The following PLAGL1 variants were observed in gnomAD, a reference collection of about 807,000 sequenced individuals.
The protein encoded by PLAGL1 is zinc finger protein PLAGL1.
In PLAGL1, 1 loss-of-function variant was observed where a neutral mutation model predicts 4.6. That is an observed-to-expected ratio of 0.22 (90% CI 0.08 to 1.03). The LOEUF (loss-of-function observed/expected upper bound fraction) is 1.03. Ranked by LOEUF, PLAGL1 falls within the 50% of genes least tolerant of loss-of-function variation. The probability of loss-of-function intolerance (pLI) is 0.58; values close to 1 mark genes in which losing one functional copy is unlikely to be tolerated. For missense variants in PLAGL1, 464 were observed against 570.4 expected, an observed-to-expected ratio of 0.81 and a Z score of 1.90; for synonymous variants, 240 against 237.8, an observed-to-expected ratio of 1.01 and a Z score of -0.08.
At position 144,063,464 on chromosome 6, in the gene PLAGL1, T is replaced by A. The variant is rs539922892; in HGVS notation, c.-151+1004A>T. ...GGACATCTGGGGTGGGCCCAATAGG[T>A]GTGTTCTGAAAAGCTCTCCTGGTGC... On this transcript the variant is annotated intron_variant, in intron 1 of 3. Coordinates refer to the PLAGL1 transcript ENST00000437412. The surrounding 1 kb of genome is among the most constrained non-coding windows in gnomAD (Gnocchi z 5.7). Among the ~76,000 whole-genome samples the A allele has an allele frequency of 6.6e-6, 1 of 152,182 alleles. No homozygotes were observed. The highest frequency in any genetic ancestry group is 1.9e-4 in the East Asian group (1 of 5,178).
rs1429149100 is a variant in PLAGL1 at position 143,995,150 on chromosome 6, C to G, written c.-583-9976G>C. On this transcript the variant is annotated intron_variant, in intron 1 of 7. Coordinates refer to ENST00000674357, the MANE Select transcript of PLAGL1 (RefSeq NM_001317162.2). The surrounding 1 kb of genome is among the most constrained non-coding windows in gnomAD (Gnocchi z 4.4). ...TTTGTACAAAGGAGATAAAACTATTCTCAGGTTGTTGGAACAATTAAATAA... is the reference window on the plus strand; with the variant it reads ...TTTGTACAAAGGAGATAAAACTATTGTCAGGTTGTTGGAACAATTAAATAA... Among the ~76,000 whole-genome samples the G allele has an allele frequency of 8.6e-6, 1 of 115,890 alleles. No individual in the cohort carries two copies. The highest frequency in any genetic ancestry group is 1.9e-5 in the Non-Finnish European group (1 of 52,302). The allele number at this position is 115,890 out of a possible 152,430, so 76.0% of individuals were successfully genotyped here.
intron 1 of PLAGL1, among the ~76,000 whole-genome samples, chr6:144,025,436 G>A (rs1334332356): frequency 1.3e-5 from 2 of 152,152 alleles, no homozygotes; most frequent in Non-Finnish European, 2.9e-5. Context: ...ATAATAATAT[G>A]TATCACTATT....
In PLAGL1 at chr6:144,050,565, T is replaced by C. The variant is rs1798508018; in HGVS notation, c.-151+13903A>G. On this transcript the variant is annotated intron_variant, in intron 1 of 3. Transcript: ENST00000437412. This position sits in a 1 kb window ranked among gnomAD's most constrained non-coding sequence, Gnocchi z 4.3. ...TTCTAGGGAATAAATATCTTATTCCTGCCTTGCAAAGAATAAGCACATGAT... is the reference window on the plus strand; with the variant it reads ...TTCTAGGGAATAAATATCTTATTCCCGCCTTGCAAAGAATAAGCACATGAT... Among the ~76,000 whole-genome samples the C allele has an allele frequency of 6.6e-6, 1 of 152,234 alleles. No individual in the cohort carries two copies. The highest frequency in any genetic ancestry group is 2.1e-4 in the South Asian group (1 of 4,832).
In PLAGL1 at chr6:143,973,335, ACCACCTCATGGTTT is replaced by A. The variant is rs1480341149; in HGVS notation, c.-543-4371_-543-4358del. ...TTGAGACAAGGAGAGGGCTCAGCAG[ACCACCTCATGGTTT>A]AATTCAAATTCATCCGTTTCCTACA... On this transcript the variant is annotated intron_variant, in intron 2 of 7. Transcript: ENST00000674357. The surrounding 1 kb of genome is among the most constrained non-coding windows in gnomAD (Gnocchi z 6.2). 6.6e-6 allele frequency among the ~76,000 whole-genome samples: 1 copy of A among 152,204 alleles called. No homozygotes were observed. Among genetic ancestry groups the A allele is most frequent in the African/African-American group, 2.4e-5 (1 of 41,450 alleles).
In PLAGL1 at chr6:143,982,860, T is replaced by C. The variant is rs1788260867; in HGVS notation, c.-544+2275A>G. 6.6e-6 allele frequency among the ~76,000 whole-genome samples: 1 copy of C among 152,132 alleles called. No individual in the cohort carries two copies. The highest frequency in any genetic ancestry group is 1.5e-5 in the Non-Finnish European group (1 of 68,030). ...TGGGAACAGAGAAGAACTCAGGAGC[T>C]CAGGTGCAGACATGTTAGGTTTGAT... On this transcript the variant is annotated intron_variant, in intron 2 of 7. Transcript: ENST00000674357. The surrounding 1 kb of genome is among the most constrained non-coding windows in gnomAD (Gnocchi z 5.3).
intron 1 of PLAGL1, among the ~76,000 whole-genome samples, chr6:143,998,657 G>T (rs1302126336): frequency 1.3e-5 from 2 of 152,142 alleles, no homozygotes; most frequent in East Asian, 3.8e-4. Context: ...GTGACGAAAG[G>T]TAAGAATTTA....
Position 143,970,871 on chromosome 6 carries a change from C to T in PLAGL1, c.-543-1893G>A, listed in dbSNP as rs767096927. The stretch of plus-strand genomic sequence containing the variant: ...ATAGCAAGACCACAATTTTTAACTG[C>T]AGTTACTTCCCTGGCCTGTCTGTAG... On this transcript the variant is annotated intron_variant, in intron 2 of 7. Transcript: ENST00000674357. This position sits in a 1 kb window ranked among gnomAD's most constrained non-coding sequence, Gnocchi z 5.8. Among the ~76,000 whole-genome samples the T allele has an allele frequency of 5.3e-5, 8 of 152,144 alleles. No individual in the cohort carries two copies. Among genetic ancestry groups the T allele is most frequent in the Non-Finnish European group, 7.4e-5 (5 of 68,018 alleles).
At chr6:143,976,991 C>T (rs1242863081) in intron 2 of PLAGL1, among the ~76,000 whole-genome samples, 1 of 151,868 alleles carries the variant, frequency 6.6e-6, no homozygotes, top group Non-Finnish European at 1.5e-5. Context: ...TTCTAATTTC[C>T]TGTTCGATTT....
In PLAGL1 at chr6:143,985,529, C is replaced by T. The variant is rs1788816516; in HGVS notation, c.-583-355G>A. 6.6e-6 allele frequency among the ~76,000 whole-genome samples: 1 copy of T among 152,176 alleles called. No homozygotes were observed. Among genetic ancestry groups the T allele is most frequent in the East Asian group, 1.9e-4 (1 of 5,202 alleles). On this transcript the variant is annotated intron_variant, in intron 1 of 7. Coordinates refer to ENST00000674357, the MANE Select transcript of PLAGL1 (RefSeq NM_001317162.2). The surrounding 1 kb of genome is among the most constrained non-coding windows in gnomAD (Gnocchi z 4.4). ...CACACCACCTCCTTTGCCAAAATCT[C>T]TTTCTGCCCCTGACCCATTGCACAT...
rs1554278265 is a variant in PLAGL1 at position 144,030,281 on chromosome 6, A to AAG, written c.-151+34186_-151+34187insCT. ...AAAAAAAAAAAAAAAAAAAAAAAAA[A>AAG]AAGAAGATGTAAATTTTAATACAAT... On this transcript the variant is annotated intron_variant, in intron 1 of 3. Transcript: ENST00000437412. 5.4e-4 allele frequency among the ~76,000 whole-genome samples: 72 copies of AAG among 132,948 alleles called. 5 individuals carry two copies. Among genetic ancestry groups the AAG allele is most frequent in the African/African-American group, 1.6e-3 (50 of 31,644 alleles). 87.2% of individuals were successfully genotyped at this position (132,948 alleles called of 152,430 possible).
rs1787429981 is a variant in PLAGL1 at position 143,979,516 on chromosome 6, T to A, written c.-544+5619A>T. ...TGTTTTGATATCTTCGTGGTTGCTG[T>A]AGAGTTTATAGTTATATCTTTAACT... On this transcript the variant is annotated intron_variant, in intron 2 of 7. Transcript: ENST00000674357. The surrounding 1 kb of genome is among the most constrained non-coding windows in gnomAD (Gnocchi z 4.6). 6.6e-6 allele frequency among the ~76,000 whole-genome samples: 1 copy of A among 152,130 alleles called. No individual in the cohort carries two copies. Among genetic ancestry groups the A allele is most frequent in the South Asian group, 2.1e-4 (1 of 4,824 alleles).
Position 143,979,551 on chromosome 6 carries a change from G to A in PLAGL1, c.-544+5584C>T, listed in dbSNP as rs919532708. On this transcript the variant is annotated intron_variant, in intron 2 of 7. Coordinates refer to ENST00000674357, the MANE Select transcript of PLAGL1 (RefSeq NM_001317162.2). This position sits in a 1 kb window ranked among gnomAD's most constrained non-coding sequence, Gnocchi z 4.6. The stretch of plus-strand genomic sequence containing the variant: ...AGTTATATCTTTAACTTACCATGGT[G>A]TACTTCCAAGGGATATACCAGTTCA... Among the ~76,000 whole-genome samples, 2 of 151,904 alleles carry A rather than the reference G, an allele frequency of 1.3e-5. No individual in the cohort carries two copies. The highest frequency in any genetic ancestry group is 4.8e-5 in the African/African-American group (2 of 41,370).
At position 144,030,281 on chromosome 6, in the gene PLAGL1, A is replaced by AAAAAAAAAAAG. The variant is rs1296064916; in HGVS notation, c.-151+34186_-151+34187insCTTTTTTTTTT. On this transcript the variant is annotated intron_variant, in intron 1 of 3. Transcript: ENST00000437412. ...AAAAAAAAAAAAAAAAAAAAAAAAA[A>AAAAAAAAAAAG]AAGAAGATGTAAATTTTAATACAAT... 9.8e-4 allele frequency among the ~76,000 whole-genome samples: 130 copies of AAAAAAAAAAAG among 132,952 alleles called. 12 individuals are homozygous for AAAAAAAAAAAG. The highest frequency in any genetic ancestry group is 9.3e-3 in the East Asian group (39 of 4,208). The allele number at this position is 132,952 out of a possible 152,430, so 87.2% of individuals were successfully genotyped here.
upstream of PLAGL1, among the ~76,000 whole-genome samples, chr6:144,009,921 A>G (rs756184007): frequency 9.9e-5 from 15 of 152,146 alleles, no homozygotes; most frequent in Non-Finnish European, 2.1e-4. Context: ...TCTATCACCA[A>G]TGGCCATTTG....
At position 143,984,839 on chromosome 6, in the gene PLAGL1, A is replaced by G. The variant is rs1788677639; in HGVS notation, c.-544+296T>C. Reference sequence around the variant, plus strand: ...AATGCCCAACAGGACGTCTGCATCTATATACAACCTCAGCTCTGCCCTTTG... The same window carrying G: ...AATGCCCAACAGGACGTCTGCATCTGTATACAACCTCAGCTCTGCCCTTTG... On this transcript the variant is annotated intron_variant, in intron 2 of 7. Coordinates refer to ENST00000674357, the MANE Select transcript of PLAGL1 (RefSeq NM_001317162.2). This position sits in a 1 kb window ranked among gnomAD's most constrained non-coding sequence, Gnocchi z 5.5. Among the ~76,000 whole-genome samples the G allele has an allele frequency of 6.6e-6, 1 of 152,204 alleles. No homozygotes were observed. The highest frequency in any genetic ancestry group is 2.1e-4 in the South Asian group (1 of 4,834).
At chr6:144,014,188 T>C (rs1297688834) in intron 1 of PLAGL1, among the ~76,000 whole-genome samples, 1 of 152,122 alleles carries the variant, frequency 6.6e-6, no homozygotes, top group African/African-American at 2.4e-5. Context: ...CCCAGCAATT[T>C]GGGAGGCCGA....
In PLAGL1 at chr6:143,994,846, C is replaced by T. The variant is rs1232743004; in HGVS notation, c.-583-9672G>A. On this transcript the variant is annotated intron_variant, in intron 1 of 7. Coordinates refer to ENST00000674357, the MANE Select transcript of PLAGL1 (RefSeq NM_001317162.2). This position sits in a 1 kb window ranked among gnomAD's most constrained non-coding sequence, Gnocchi z 4.3. ...TCCAATTAAAATTCTCATTATAATA[C>T]ATGTCAGTTTCTGATGTGTTTGCTC... 6.6e-6 allele frequency among the ~76,000 whole-genome samples: 1 copy of T among 152,168 alleles called. No individual in the cohort carries two copies. Among genetic ancestry groups the T allele is most frequent in the Non-Finnish European group, 1.5e-5 (1 of 68,032 alleles).
intron 1 of PLAGL1, among the ~76,000 whole-genome samples, chr6:144,026,571 G>A (rs75411839): frequency 0.025 from 3,810 of 152,220 alleles, 175 homozygotes; most frequent in African/African-American, 0.088. Flanking sequence ...TAAATCTTCT[G>A]TACAAATAGC....
rs990243737 is a variant in PLAGL1 at position 144,005,029 on chromosome 6, A to G, written c.-584+3061T>C. The G allele has an allele frequency of 6.6e-6, 1 of 150,556 alleles. No individual in the cohort carries two copies. The highest frequency in any genetic ancestry group is 1.5e-5 in the Non-Finnish European group (1 of 67,706). The allele number at this position is 150,556 out of a possible 1,614,324, so 9.3% of individuals were successfully genotyped here. ...TAATCTATATATAAAGTGTATGTGTATATATTATATATATACACACACCTA... is the reference window on the plus strand; with the variant it reads ...TAATCTATATATAAAGTGTATGTGTGTATATTATATATATACACACACCTA... On this transcript the variant is annotated intron_variant, in intron 1 of 7. Transcript: ENST00000674357. The surrounding 1 kb of genome is among the most constrained non-coding windows in gnomAD (Gnocchi z 4.6).
Sources: allele counts gnomAD v4.1 joint callset (sites outside exome capture counted in the v4.1 genomes callset), GRCh38; gene constraint gnomAD v4.1.1; non-coding constraint Gnocchi (gnomAD v3.1); transcripts MANE v1.5; gene names NCBI Gene and HGNC (gene_info 2026-07-23, HGNC 2026-07-21).